The following TMEFF1 variants were observed in gnomAD, a reference collection of about 807,000 sequenced individuals.
TMEFF1 encodes the protein tomoregulin-1.
A neutral mutation model predicts 47.5 loss-of-function variants in TMEFF1; 20 were observed. That is an observed-to-expected ratio of 0.42 (90% CI 0.30 to 0.61). The LOEUF is 0.61. Among genes scored for constraint, TMEFF1 ranks in the 20% least tolerant of loss-of-function variants. The pLI, the probability that TMEFF1 is intolerant of heterozygous loss-of-function variation, is 0.19. For synonymous variants in TMEFF1, 162 were observed against 166.3 expected (o/e 0.97, Z 0.20); for missense variants, 411 against 471.1 (o/e 0.87, Z 1.18).
At position 100,558,372 on chromosome 9, in the gene TMEFF1, A is replaced by G. The variant is rs145361028; in HGVS notation, c.776-3025A>G. The stretch of plus-strand genomic sequence containing the variant: ...TCATGACCATGTTCTGAGAAATGCT[A>G]TGGGAGATGACCACTTTCCTCAATT... On this transcript the variant is annotated intron_variant, in intron 7 of 9. Transcript: ENST00000374879. Among the ~76,000 whole-genome samples, 730 of 152,120 alleles carry G rather than the reference A, an allele frequency of 4.8e-3. 7 individuals are homozygous for G. Among genetic ancestry groups the G allele is most frequent in the African/African-American group, 0.017 (692 of 41,510 alleles).
At position 100,550,081 on chromosome 9, in the gene TMEFF1, G is replaced by A. The variant is rs79210152; in HGVS notation, c.710-14G>A. The A allele has an allele frequency of 1.1e-3, 1,796 of 1,601,718 alleles. 16 individuals are homozygous for A. The African/African-American group carries it at 0.021, about 18-fold the overall frequency. On this transcript the variant is annotated splice_polypyrimidine_tract_variant and intron_variant, in intron 6 of 9. Transcript: ENST00000374879. ...TTGTATATATTTTAATTTGAAAACC[G>A]TCTTCTCTTACAGATACAGATGACA...
chr9:100,570,058 T>C (rs1337198681), intron 8 of TMEFF1, among the ~76,000 whole-genome samples: 3 of 152,190 alleles, frequency 2.0e-5, no homozygotes, highest in African/African-American at 7.2e-5. Flanking sequence ...TATGCTTGGC[T>C]TATTTCACTT....
At chr9:100,533,365 A>C (rs2118460415) in intron 5 of TMEFF1, among the ~76,000 whole-genome samples, 1 of 152,238 alleles carries the variant, frequency 6.6e-6, no homozygotes, top group South Asian at 2.1e-4. Flanking sequence ...ACTTGATAGA[A>C]TTTTTAAAAA....
chr9:100,532,264 C>T (rs1293955513), intron 5 of TMEFF1, among the ~76,000 whole-genome samples: 3 of 151,894 alleles, frequency 2.0e-5, no homozygotes, highest in South Asian at 2.1e-4. Flanking sequence ...ACTAAAGAGC[C>T]TCTGCACAGC....
intron 5 of TMEFF1, among the ~76,000 whole-genome samples, chr9:100,539,798 G>A (rs909541231): frequency 4.6e-5 from 7 of 152,196 alleles, no homozygotes; most frequent in Non-Finnish European, 1.0e-4. Flanking sequence ...CCCACATCCT[G>A]CAGATTGGTC....
At chr9:100,564,442 G>A (rs560925181) in intron 8 of TMEFF1, among the ~76,000 whole-genome samples, 1 of 152,172 alleles carries the variant, frequency 6.6e-6, no homozygotes, top group African/African-American at 2.4e-5. Context: ...TGATATTGGG[G>A]TGTCAAATTC....
At chr9:100,517,907 A>G (rs1243399138) in intron 5 of TMEFF1, among the ~76,000 whole-genome samples, 6 of 152,234 alleles carry the variant, frequency 3.9e-5, no homozygotes, top group Non-Finnish European at 8.8e-5. Flanking sequence ...ATGATATGGC[A>G]TGATGAAACA....
chr9:100,474,351 GTTC>G (rs1837183601), intron 1 of TMEFF1, among the ~76,000 whole-genome samples: 1 of 152,026 alleles, frequency 6.6e-6, no homozygotes, highest in African/African-American at 2.4e-5. Context: ...GCGCGTGTGT[GTTC>G]TTTGGGTTCT....
At chr9:100,476,592 A>G (rs1837232735) in intron 1 of TMEFF1, among the ~76,000 whole-genome samples, 1 of 150,454 alleles carries the variant, frequency 6.6e-6, no homozygotes, top group African/African-American at 2.5e-5. Flanking sequence ...GGGGTTTCAC[A>G]ATGTTGGCCA....
chr9:100,487,791 G>C (rs1837479124), intron 1 of TMEFF1, among the ~76,000 whole-genome samples: 1 of 150,468 alleles, frequency 6.6e-6, no homozygotes, highest in South Asian at 2.1e-4. Flanking sequence ...TTAAATTCTA[G>C]GAAACTGGGA....
At chr9:100,481,962 A>G (rs1837344976) in intron 1 of TMEFF1, among the ~76,000 whole-genome samples, 1 of 151,648 alleles carries the variant, frequency 6.6e-6, no homozygotes, top group Non-Finnish European at 1.5e-5. Flanking sequence ...TTGTATTTTT[A>G]GTAAAGACGG....
At chr9:100,573,112 C>T (rs917066718) in intron 9 of TMEFF1, among the ~76,000 whole-genome samples, 10 of 151,680 alleles carry the variant, frequency 6.6e-5, no homozygotes, top group Admixed American at 2.0e-4. Flanking sequence ...AGACTATAGG[C>T]GTGAACCACC....
At chr9:100,531,908 AC>A in intron 5 of TMEFF1, among the ~76,000 whole-genome samples, 1 of 150,646 alleles carries the variant, frequency 6.6e-6, no homozygotes. Context: ...GATCAATGGA[AC>A]AGAACAGAGC....
intron 1 of TMEFF1, among the ~76,000 whole-genome samples, chr9:100,493,502 C>T (rs796400580): frequency 7.9e-5 from 12 of 152,256 alleles, no homozygotes; most frequent in African/African-American, 2.9e-4. Flanking sequence ...GTTTCTCCCA[C>T]TAGTGTGTAT....
intron 2 of TMEFF1, among the ~76,000 whole-genome samples, chr9:100,506,507 T>A (rs1564012847): frequency 6.6e-6 from 1 of 152,104 alleles, no homozygotes; most frequent in Non-Finnish European, 1.5e-5. Context: ...GGCTTACGCC[T>A]GTAATCCCAG....
intron 9 of TMEFF1, among the ~76,000 whole-genome samples, chr9:100,574,083 GA>G (rs1314168984): frequency 3.3e-5 from 5 of 152,228 alleles, no homozygotes; most frequent in African/African-American, 1.2e-4. Flanking sequence ...TCTTTACACT[GA>G]AAGGTTCCAT....
intron 5 of TMEFF1, among the ~76,000 whole-genome samples, chr9:100,540,221 A>G (rs1212009605): frequency 6.6e-6 from 1 of 151,090 alleles, no homozygotes; most frequent in African/African-American, 2.4e-5. Context: ...AAGTTCTCCA[A>G]GTCCCCACCG....
At chr9:100,527,171 G>A (rs1227993253) in intron 5 of TMEFF1, among the ~76,000 whole-genome samples, 3 of 151,706 alleles carry the variant, frequency 2.0e-5, no homozygotes, top group African/African-American at 7.3e-5. Context: ...TACCTACTTT[G>A]AAAGATTGGA....
At chr9:100,511,112 A>C (rs1837956572) in intron 3 of TMEFF1, among the ~76,000 whole-genome samples, 1 of 152,140 alleles carries the variant, frequency 6.6e-6, no homozygotes, top group African/African-American at 2.4e-5. Flanking sequence ...GTGCTTGGAG[A>C]AATTATTATG....
Sources: allele counts gnomAD v4.1 joint callset (sites outside exome capture counted in the v4.1 genomes callset), GRCh38; gene constraint gnomAD v4.1.1; transcripts MANE v1.5; gene names NCBI Gene and HGNC (gene_info 2026-07-23, HGNC 2026-07-21).